The following TUBGCP3 variants were observed in gnomAD, a reference collection of about 807,000 sequenced individuals.
The protein encoded by TUBGCP3 is tubulin gamma complex component 3.
In TUBGCP3, 50 loss-of-function variants were observed where a neutral mutation model predicts 123.1. That is an observed-to-expected ratio of 0.41 (90% confidence interval 0.32 to 0.51). TUBGCP3 has a LOEUF of 0.51. TUBGCP3 is among the 20% of genes least tolerant of loss of function. The pLI is 0.36. For missense variants in TUBGCP3, 882 were observed against 1,127.0 expected, an observed-to-expected ratio of 0.78 and a Z score of 3.11; for synonymous variants, 405 against 413.9, an observed-to-expected ratio of 0.98 and a Z score of 0.26.
upstream of TUBGCP3, among the ~76,000 whole-genome samples, chr13:112,590,184 G>C (rs1456420311): frequency 2.6e-5 from 4 of 152,042 alleles, no homozygotes; most frequent in Non-Finnish European, 5.9e-5. Context: ...CACTCTGTTA[G>C]CCAGAATGGT....
chr13:112,558,812 C>T (rs140275667), intron 4 of TUBGCP3, among the ~76,000 whole-genome samples: 413 of 152,324 alleles, frequency 2.7e-3, no homozygotes, highest in African/African-American at 9.2e-3. Context: ...CTTTCACCCA[C>T]ACGCTTCAAC....
chr13:112,558,146 GTC>G, intron 5 of TUBGCP3, 48 bp downstream of exon 5: 2 of 1,543,710 alleles, frequency 1.3e-6, no homozygotes, highest in South Asian at 1.2e-5. Flanking sequence ...GCCTGCAGGC[GTC>G]TCTGTTTCTA....
intron 13 of TUBGCP3, among the ~76,000 whole-genome samples, chr13:112,525,338 T>C (rs1257250041): frequency 2.0e-5 from 3 of 152,198 alleles, no homozygotes; most frequent in African/African-American, 7.2e-5. Context: ...TGTTGAGCCT[T>C]GCCTGAAAAT....
intron 1 of TUBGCP3, among the ~76,000 whole-genome samples, chr13:112,580,636 TA>T (rs1882217651): frequency 6.6e-6 from 1 of 152,230 alleles, no homozygotes; most frequent in Non-Finnish European, 1.5e-5. Flanking sequence ...TTTAAAATTC[TA>T]AAAGCTACCA....
chr13:112,573,528 A>G (rs1881578640), intron 1 of TUBGCP3, among the ~76,000 whole-genome samples: 1 of 152,120 alleles, frequency 6.6e-6, no homozygotes, highest in South Asian at 2.1e-4. Flanking sequence ...GCCCCAGGAA[A>G]AAATCCAGGC....
At chr13:112,516,290 AT>A (rs1834781257) in intron 17 of TUBGCP3, 149 bp downstream of exon 17, 1 of 834,486 alleles carries the variant, frequency 1.2e-6, no homozygotes, top group Non-Finnish European at 1.7e-6. Context: ...AATAAATGTG[AT>A]TTTAAAAGAA....
At position 112,558,282 on chromosome 13, in the gene TUBGCP3, G is replaced by A. The variant is rs9324311; in HGVS notation, c.462C>T (p.Ser154=). The change falls in exon 5 of 22, where the codon TCC becomes TCT. Residue 154 remains serine (S), a synonymous_variant. Transcript: ENST00000261965. The part of the protein sequence containing the change: ...QDRSAQSAQS[S]GSVGSSGISS... The stretch of plus-strand genomic sequence containing the variant: ...TGATGCCACTGCTGCCCACGCTGCC[G>A]GAGCTCTGGGCTGACTGGGCACTCC... 8,031 of 1,613,284 alleles carry A rather than the reference G, an allele frequency of 5.0e-3. 274 individuals are homozygous for A. The African/African-American group carries it at 0.081, about 16-fold the overall frequency.
chr13:112,521,444 C>T (rs1876616524), intron 14 of TUBGCP3, among the ~76,000 whole-genome samples: 1 of 152,194 alleles, frequency 6.6e-6, no homozygotes, highest in South Asian at 2.1e-4. Context: ...ACAAACGCAG[C>T]ATCACCAGCA....
At chr13:112,536,717 T>A (rs1878084872) in intron 11 of TUBGCP3, among the ~76,000 whole-genome samples, 1 of 152,230 alleles carries the variant, frequency 6.6e-6, no homozygotes, top group Non-Finnish European at 1.5e-5. Context: ...ATCTTTATTA[T>A]AAAGTATGTG....
chr13:112,499,982 AAAC>A lies in TUBGCP3; in HGVS notation c.2308-800_2308-798del, dbSNP rs1451750453. Among the ~76,000 whole-genome samples, 5 of 152,328 alleles carry A rather than the reference AAAC, an allele frequency of 3.3e-5. No individual in the cohort carries two copies. In the East Asian group the frequency reaches 9.6e-4, roughly 29 times the overall value. On this transcript the variant is annotated intron_variant, in intron 19 of 21. Coordinates refer to ENST00000261965, the MANE Select transcript of TUBGCP3 (RefSeq NM_006322.6). The stretch of plus-strand genomic sequence containing the variant: ...AGAGCAAATACATTAAAGCTGATGC[AAAC>A]AGCAGGGAAGGGGGTACAGGCAGAG...
intron 11 of TUBGCP3, among the ~76,000 whole-genome samples, chr13:112,533,364 C>T (rs1417153828): frequency 6.6e-6 from 1 of 152,198 alleles, no homozygotes; most frequent in African/African-American, 2.4e-5. Flanking sequence ...GCGCCATGCC[C>T]AGCCCATGCA....
intron 11 of TUBGCP3, among the ~76,000 whole-genome samples, chr13:112,531,836 A>C (rs1406917491): frequency 6.6e-6 from 1 of 152,194 alleles, no homozygotes; most frequent in Admixed American, 6.5e-5. Context: ...CCAAGGTCAG[A>C]ATATAATTGC....
At position 112,541,146 on chromosome 13, in the gene TUBGCP3, C is replaced by T. The variant is rs77035598; in HGVS notation, c.1335+4553G>A. On this transcript the variant is annotated intron_variant, in intron 11 of 21. Transcript: ENST00000261965. ...GCATTCCCTATCAACTCTCCAGTCC[C>T]ATCATTACTATCACGAAAGGAAATG... Among the ~76,000 whole-genome samples, 1,255 of 152,306 alleles carry T rather than the reference C, an allele frequency of 8.2e-3. 20 individuals carry two copies. Among genetic ancestry groups the T allele is most frequent in the African/African-American group, 0.029 (1,200 of 41,556 alleles).
At chr13:112,599,718 G>T in the TUBGCP3 span, among the ~76,000 whole-genome samples, 2 of 151,450 alleles carry the variant, frequency 1.3e-5, no homozygotes, top group Non-Finnish European at 2.9e-5. Context: ...ACGGGGATTC[G>T]CTGTGTTGGC....
upstream of TUBGCP3, among the ~76,000 whole-genome samples, chr13:112,590,116 A>G (rs1185422220): frequency 6.6e-6 from 1 of 151,876 alleles, no homozygotes; most frequent in Admixed American, 6.6e-5. Flanking sequence ...AGCTGGGACT[A>G]CAGGCACCCG....
intron 11 of TUBGCP3, among the ~76,000 whole-genome samples, chr13:112,539,625 G>C (rs1005881022): frequency 2.6e-5 from 4 of 152,146 alleles, no homozygotes; most frequent in African/African-American, 9.7e-5. Context: ...GAACTTCCTA[G>C]AGCTCTATCT....
intron 13 of TUBGCP3, among the ~76,000 whole-genome samples, chr13:112,526,196 C>A (rs1296386859): frequency 6.7e-6 from 1 of 149,374 alleles, no homozygotes; most frequent in Non-Finnish European, 1.5e-5. Context: ...CTGCCACCAC[C>A]ACGCCATCAT....
intron 8 of TUBGCP3, among the ~76,000 whole-genome samples, chr13:112,548,818 T>C (rs953657440): frequency 3.9e-5 from 6 of 152,170 alleles, no homozygotes; most frequent in African/African-American, 1.4e-4. Context: ...TGGTGATCAT[T>C]AAAAAGTCAG....
chr13:112,527,102 C>A, intron 12 of TUBGCP3, 52 bp from the exon 13 acceptor site: 5 of 1,420,720 alleles, frequency 3.5e-6, no homozygotes, highest in Non-Finnish European at 4.9e-6. Context: ...AAAACGACTG[C>A]CCAAATCTAC....
Sources: gnomAD v4.1 joint callset for allele counts (sites outside exome capture counted in the v4.1 genomes callset) on GRCh38, gnomAD v4.1.1 for gene constraint, MANE v1.5 for transcripts, NCBI Gene and HGNC (gene_info 2026-07-23, HGNC 2026-07-21) for gene names.